TMEM178B: variants seen among roughly 807,000 people sequenced by gnomAD.
The protein encoded by TMEM178B is transmembrane protein 178B.
Under a neutral mutation model 31.0 loss-of-function variants are expected in TMEM178B, and 5 were observed. That is an observed-to-expected ratio of 0.16 (90% CI 0.08 to 0.34). TMEM178B has a LOEUF of 0.34. TMEM178B is among the 10% of genes least tolerant of loss of function. The pLI is 1.00. For missense variants in TMEM178B, 275 were observed against 400.3 expected (o/e 0.69, Z 2.67); for synonymous variants, 164 against 164.0 (o/e 1.00, Z 0.00).
chr7:141,412,875 T>G (rs923088782), intron 2 of TMEM178B, among the ~76,000 whole-genome samples: 2 of 152,204 alleles, frequency 1.3e-5, no homozygotes, highest in African/African-American at 2.4e-5. Context: ...CAAGAGCCAA[T>G]GTTCGTACCC....
At chr7:141,187,264 CA>C (rs1796625470) in intron 1 of TMEM178B, among the ~76,000 whole-genome samples, 4 of 151,880 alleles carry the variant, frequency 2.6e-5, no homozygotes, top group Admixed American at 6.6e-5. Context: ...CTACAAAGGA[CA>C]TGAGCTCATC....
intron 2 of TMEM178B, among the ~76,000 whole-genome samples, chr7:141,247,487 G>A (rs182459221): frequency 7.2e-5 from 11 of 152,278 alleles, no homozygotes; most frequent in Admixed American, 1.3e-4. Flanking sequence ...GGTTCTGCTC[G>A]AGATGTTTGA....
At chr7:141,100,268 C>T in intron 1 of TMEM178B, among the ~76,000 whole-genome samples, 1 of 150,172 alleles carries the variant, frequency 6.7e-6, no homozygotes, top group Admixed American at 6.6e-5. Flanking sequence ...GCCACGTATT[C>T]TATAATATAG....
intron 1 of TMEM178B, among the ~76,000 whole-genome samples, chr7:141,188,192 A>G (rs2129184691): frequency 6.6e-6 from 1 of 152,302 alleles, no homozygotes; most frequent in African/African-American, 2.4e-5. Context: ...TGTTGTGTGT[A>G]ATGGCTAAAC....
At chr7:141,351,507 C>A (rs1799722172) in intron 2 of TMEM178B, among the ~76,000 whole-genome samples, 1 of 152,216 alleles carries the variant, frequency 6.6e-6, no homozygotes, top group Admixed American at 6.5e-5. Context: ...TTGCTGTATT[C>A]TGTTGCTCAA....
intron 2 of TMEM178B, among the ~76,000 whole-genome samples, chr7:141,395,130 A>G (rs932955273): frequency 6.6e-6 from 1 of 152,116 alleles, no homozygotes; most frequent in Non-Finnish European, 1.5e-5. Flanking sequence ...GTTTTTATCT[A>G]ATCATCCTGA....
chr7:141,225,997 G>A (rs1332489568), intron 2 of TMEM178B, among the ~76,000 whole-genome samples: 1 of 152,112 alleles, frequency 6.6e-6, no homozygotes, highest in Admixed American at 6.5e-5. Context: ...TTAGAAATGA[G>A]CAATCAGGTG....
intron 1 of TMEM178B, among the ~76,000 whole-genome samples, chr7:141,133,430 T>A (rs1029394377): frequency 2.6e-5 from 4 of 151,916 alleles, no homozygotes; most frequent in African/African-American, 9.7e-5. Context: ...ACTGAATAAT[T>A]CAATGAATGA....
At chr7:141,258,540 CT>C (rs2116355041) in intron 2 of TMEM178B, among the ~76,000 whole-genome samples, 1 of 152,254 alleles carries the variant, frequency 6.6e-6, no homozygotes, top group South Asian at 2.1e-4. Context: ...TTATATTTAC[CT>C]TTCTGTGCTC....
intron 1 of TMEM178B, among the ~76,000 whole-genome samples, chr7:141,193,789 G>C (rs1458794517): frequency 6.6e-6 from 1 of 152,196 alleles, no homozygotes; most frequent in Middle Eastern, 3.2e-3. Context: ...ATGCCCTGCT[G>C]CCAGTTCCAA....
At chr7:141,503,638 T>C in the TMEM178B span, among the ~76,000 whole-genome samples, 531 of 152,246 alleles carry the variant, frequency 3.5e-3, 2 homozygotes, top group African/African-American at 9.9e-3. Flanking sequence ...CATGAAAAAA[T>C]AGGCAAATTT....
chr7:141,357,223 A>G (rs1325070226), intron 2 of TMEM178B, among the ~76,000 whole-genome samples: 1 of 152,168 alleles, frequency 6.6e-6, no homozygotes, highest in Non-Finnish European at 1.5e-5. Flanking sequence ...AAAGTTGACA[A>G]ATTTGTCCAA....
chr7:141,357,938 A>G (rs1328308889), intron 2 of TMEM178B, among the ~76,000 whole-genome samples: 1 of 152,208 alleles, frequency 6.6e-6, no homozygotes, highest in East Asian at 1.9e-4. Context: ...TCCCTGTGTT[A>G]CAGACTACAG....
chr7:141,230,238 A>G (rs1020767595), intron 2 of TMEM178B, among the ~76,000 whole-genome samples: 1 of 152,202 alleles, frequency 6.6e-6, no homozygotes, highest in African/African-American at 2.4e-5. Flanking sequence ...AATTGGAACT[A>G]CTGGCTCAAA....
downstream of TMEM178B, among the ~76,000 whole-genome samples, chr7:141,485,176 C>T (rs1318082139): frequency 1.3e-5 from 2 of 152,204 alleles, no homozygotes; most frequent in African/African-American, 4.8e-5. Flanking sequence ...TTGCCTCTTC[C>T]TGAGAAAGCC....
At chr7:141,463,425 G>T (rs945321703) in intron 3 of TMEM178B, among the ~76,000 whole-genome samples, 1 of 152,154 alleles carries the variant, frequency 6.6e-6, no homozygotes, top group African/African-American at 2.4e-5. Context: ...GGACAAAGCC[G>T]GTGATTTTCA....
intron 2 of TMEM178B, among the ~76,000 whole-genome samples, chr7:141,277,139 C>T (rs1393161208): frequency 1.3e-5 from 2 of 152,110 alleles, no homozygotes; most frequent in African/African-American, 2.4e-5. Context: ...TTTCTTTCTT[C>T]AATAATCAAC....
intron 2 of TMEM178B, among the ~76,000 whole-genome samples, chr7:141,401,253 C>G (rs1006925796): frequency 6.6e-6 from 1 of 152,162 alleles, no homozygotes; most frequent in Non-Finnish European, 1.5e-5. Context: ...AAAACTGATT[C>G]TAAGACCATT....
At chr7:141,499,639 AAAAAAACCAAC>A in the TMEM178B span, among the ~76,000 whole-genome samples, 3 of 151,976 alleles carry the variant, frequency 2.0e-5, no homozygotes, top group African/African-American at 7.3e-5. Flanking sequence ...ACCCTGTCTT[AAAAAAACCAAC>A]AAAAAAACCC....
Sources: allele counts gnomAD v4.1 joint callset (sites outside exome capture counted in the v4.1 genomes callset), GRCh38; gene constraint gnomAD v4.1.1; transcripts MANE v1.5; gene names NCBI Gene and HGNC (gene_info 2026-07-23, HGNC 2026-07-21).